The following TBC1D5 variants were observed in gnomAD, a reference collection of about 807,000 sequenced individuals.
TBC1D5 encodes TBC1 domain family, member 5.
TBC1D5 carries 75 observed loss-of-function variants against 100.3 expected under a neutral mutation model. That is an observed-to-expected ratio of 0.75 (90% CI 0.62 to 0.91). The LOEUF (loss-of-function observed/expected upper bound fraction) is 0.91. Ranked by LOEUF, TBC1D5 falls within the 40% of genes least tolerant of loss-of-function variation. TBC1D5 has a pLI of 0.00. For missense variants in TBC1D5, 910 were observed against 942.4 expected (o/e 0.97, Z 0.45); for synonymous variants, 323 against 325.6 (o/e 0.99, Z 0.09).
At chr3:17,706,553 G>A (rs1331392922) in intron 1 of TBC1D5, among the ~76,000 whole-genome samples, 2 of 152,078 alleles carry the variant, frequency 1.3e-5, no homozygotes, top group Non-Finnish European at 2.9e-5. Context: ...CGATAACCAT[G>A]TTATAGACAA....
chr3:17,454,384 CA>C (rs745348150), intron 3 of TBC1D5, among the ~76,000 whole-genome samples: 5 of 150,552 alleles, frequency 3.3e-5, no homozygotes, highest in South Asian at 4.2e-4. Context: ...AAAGACTCTA[CA>C]AAAAAAAACT....
intron 3 of TBC1D5, among the ~76,000 whole-genome samples, chr3:17,457,110 G>A (rs1373379674): frequency 6.6e-5 from 10 of 151,960 alleles, no homozygotes; most frequent in Admixed American, 6.6e-4. Flanking sequence ...TTGTCTTTAA[G>A]ACATTCTTTG....
chr3:17,433,448 G>A (rs2094479540), intron 3 of TBC1D5, among the ~76,000 whole-genome samples: 1 of 152,180 alleles, frequency 6.6e-6, no homozygotes, highest in South Asian at 2.1e-4. Context: ...GCATGAAGGA[G>A]AAGTACAGGG....
chr3:17,441,150 G>A (rs1001480877), intron 3 of TBC1D5, among the ~76,000 whole-genome samples: 1 of 152,160 alleles, frequency 6.6e-6, no homozygotes, highest in Admixed American at 6.5e-5. Flanking sequence ...TGTCAGGACT[G>A]TTGCTATTTA....
At chr3:17,303,260 C>T (rs939681457) in intron 14 of TBC1D5, among the ~76,000 whole-genome samples, 7 of 152,194 alleles carry the variant, frequency 4.6e-5, no homozygotes, top group African/African-American at 1.2e-4. Flanking sequence ...CTATTGCTTC[C>T]TATCATTTCA....
intron 3 of TBC1D5, among the ~76,000 whole-genome samples, chr3:17,482,582 C>T (rs1292894931): frequency 2.6e-5 from 4 of 152,040 alleles, no homozygotes; most frequent in African/African-American, 9.7e-5. Context: ...GATTAAAATT[C>T]GTTTGAGTGT....
chr3:17,716,331 C>T (rs186085743), intron 1 of TBC1D5, among the ~76,000 whole-genome samples: 3 of 152,008 alleles, frequency 2.0e-5, no homozygotes, highest in African/African-American at 7.2e-5. Context: ...TGTCTGAATT[C>T]AGTCAATCAC....
chr3:17,638,491 T>A (rs934161977), intron 1 of TBC1D5, among the ~76,000 whole-genome samples: 1 of 152,128 alleles, frequency 6.6e-6, no homozygotes, highest in Non-Finnish European at 1.5e-5. Context: ...CTAAAATTCT[T>A]ATTTTCTGTG....
At chr3:17,512,961 G>A (rs988339462) in intron 2 of TBC1D5, among the ~76,000 whole-genome samples, 1 of 152,018 alleles carries the variant, frequency 6.6e-6, no homozygotes, top group African/African-American at 2.4e-5. Flanking sequence ...TTAATAAAAG[G>A]GTAAGCGTTC....
At position 17,266,273 on chromosome 3, in the gene TBC1D5, G is replaced by A. The variant is rs565742333; in HGVS notation, c.1246-7682C>T. Among the ~76,000 whole-genome samples, 5 of 152,222 alleles carry A rather than the reference G, an allele frequency of 3.3e-5. No homozygotes were observed. The East Asian group carries it at 9.6e-4, about 29-fold the overall frequency. On this transcript the variant is annotated intron_variant, in intron 15 of 21. Coordinates refer to ENST00000253692, the Ensembl canonical transcript of TBC1D5. ...AGTAACACAAGGAATCAAAAAGGCA[G>A]ACGTTATAATCCCACATGCTCTCAA...
chr3:17,297,222 T>C (rs566886059), intron 14 of TBC1D5, among the ~76,000 whole-genome samples: 21 of 152,354 alleles, frequency 1.4e-4, no homozygotes, highest in African/African-American at 5.0e-4. Context: ...GGCTTCTGTT[T>C]TCTCCACCTT....
chr3:17,541,829 T>C (rs1203439210), intron 2 of TBC1D5, among the ~76,000 whole-genome samples: 3 of 152,198 alleles, frequency 2.0e-5, no homozygotes, highest in Non-Finnish European at 2.9e-5. Flanking sequence ...GTCTTTCACA[T>C]ATAGTAGTCC....
At chr3:17,284,123 CGTATTTTTAATTT>C (rs2080912184) in intron 15 of TBC1D5, among the ~76,000 whole-genome samples, 1 of 150,704 alleles carries the variant, frequency 6.6e-6, no homozygotes, top group Non-Finnish European at 1.5e-5. Flanking sequence ...CACACACACA[CGTATTTTTAATTT>C]AGACAGAGTC....
At chr3:17,285,539 C>A (rs559900470) in intron 15 of TBC1D5, among the ~76,000 whole-genome samples, 1 of 152,088 alleles carries the variant, frequency 6.6e-6, no homozygotes, top group East Asian at 1.9e-4. Context: ...GGATTACAGG[C>A]GTGAGCCACC....
intron 2 of TBC1D5, among the ~76,000 whole-genome samples, chr3:17,604,868 G>A (rs1363915445): frequency 6.6e-6 from 1 of 152,086 alleles, no homozygotes; most frequent in Non-Finnish European, 1.5e-5. Context: ...TAGAGACAGG[G>A]TTTCACCATG....
intron 8 of TBC1D5, among the ~76,000 whole-genome samples, chr3:17,390,321 C>G (rs1455987609): frequency 1.3e-5 from 2 of 151,922 alleles, no homozygotes; most frequent in Non-Finnish European, 2.9e-5. Flanking sequence ...TAAAGGGAAG[C>G]CAGACAAATA....
chr3:17,417,653 C>T (rs1005267448), intron 4 of TBC1D5, among the ~76,000 whole-genome samples: 13 of 152,048 alleles, frequency 8.5e-5, no homozygotes, highest in Non-Finnish European at 1.5e-4. Flanking sequence ...AATAAACATA[C>T]GTGTGCATGT....
chr3:17,536,952 T>C (rs968721355), intron 2 of TBC1D5, among the ~76,000 whole-genome samples: 1 of 152,144 alleles, frequency 6.6e-6, no homozygotes, highest in African/African-American at 2.4e-5. Context: ...TAAGAAAATA[T>C]ATGGTAAATG....
At chr3:17,515,241 G>C (rs193051426) in intron 2 of TBC1D5, among the ~76,000 whole-genome samples, 5 of 152,192 alleles carry the variant, frequency 3.3e-5, no homozygotes, top group Admixed American at 3.3e-4. Context: ...GGGAGGCCAG[G>C]GGTATGTTCA....
Sources: gnomAD v4.1 joint callset for allele counts (sites outside exome capture counted in the v4.1 genomes callset) on GRCh38, gnomAD v4.1.1 for gene constraint, MANE v1.5 for transcripts, NCBI Gene and HGNC (gene_info 2026-07-23, HGNC 2026-07-21) for gene names.